Variants in CFAP90 observed in about 807,000 individuals in gnomAD.
CFAP90 encodes cilia and flagella associated protein 90.
the CFAP90 span, chr5:7,830,978 C>T: frequency 1.3e-5 from 2 of 152,244 alleles, no homozygotes; most frequent in Non-Finnish European, 2.9e-5. Flanking sequence ...GGGGCACACA[C>T]TGGGTACCTG....
the CFAP90 span, among the ~76,000 whole-genome samples, chr5:7,838,618 AC>A: frequency 6.6e-6 from 1 of 152,122 alleles, no homozygotes; most frequent in African/African-American, 2.4e-5. Context: ...CCCCCATGCC[AC>A]CCCACATACG....
the CFAP90 span, chr5:7,831,220 T>C: frequency 6.6e-6 from 1 of 152,290 alleles, no homozygotes; most frequent in African/African-American, 2.4e-5. Context: ...TGAGCATTGC[T>C]GGCCACCAGG....
chr5:7,841,413 G>T, the CFAP90 span, among the ~76,000 whole-genome samples: 1 of 152,186 alleles, frequency 6.6e-6, no homozygotes. Flanking sequence ...GGAAGACAGT[G>T]TGGCGACTCC....
chr5:7,833,178 C>T, the CFAP90 span, among the ~76,000 whole-genome samples: 2 of 152,254 alleles, frequency 1.3e-5, no homozygotes, highest in African/African-American at 4.8e-5. Context: ...TATAATAGTA[C>T]CTTAGCCTTA....
the CFAP90 span, among the ~76,000 whole-genome samples, chr5:7,846,909 C>A: frequency 6.6e-6 from 1 of 152,038 alleles, no homozygotes; most frequent in African/African-American, 2.4e-5. Flanking sequence ...CCACACCTGG[C>A]AATTTTTGTA....
At chr5:7,842,876 CAG>C in the CFAP90 span, among the ~76,000 whole-genome samples, 1 of 152,192 alleles carries the variant, frequency 6.6e-6, no homozygotes. Context: ...CAGTTAAATG[CAG>C]AGCTTAGAAG....
the CFAP90 span, among the ~76,000 whole-genome samples, chr5:7,846,075 A>C: frequency 6.6e-6 from 1 of 152,172 alleles, no homozygotes; most frequent in South Asian, 2.1e-4. Flanking sequence ...CTATACTTGC[A>C]TTGGGCTTAC....
chr5:7,830,438 G>A, the CFAP90 span: 1 of 152,244 alleles, frequency 6.6e-6, no homozygotes, highest in East Asian at 1.9e-4. Flanking sequence ...TTGAAATCAA[G>A]TCTGAATAAT....
the CFAP90 span, among the ~76,000 whole-genome samples, chr5:7,841,141 G>GA: frequency 3.7e-4 from 56 of 150,166 alleles, no homozygotes; most frequent in Middle Eastern, 3.5e-3. Flanking sequence ...AAATTTACAA[G>GA]AAAAAAAAAC....
the CFAP90 span, chr5:7,831,693 C>T: frequency 0.017 from 11,058 of 658,866 alleles, 227 homozygotes; most frequent in East Asian, 0.081. Flanking sequence ...GGGCTGCTAA[C>T]GTGTTCATGT....
At chr5:7,849,320 G>A in the CFAP90 span, among the ~76,000 whole-genome samples, 1 of 152,184 alleles carries the variant, frequency 6.6e-6, no homozygotes, top group Admixed American at 6.5e-5. Flanking sequence ...TAGGGTCTAG[G>A]ATGGTGGGGG....
chr5:7,850,845 C>G, the CFAP90 span: 7 of 1,272,376 alleles, frequency 5.5e-6, no homozygotes, highest in East Asian at 2.1e-4. Context: ...CCCAGCCTTC[C>G]GGTCTCCGCG....
the CFAP90 span, among the ~76,000 whole-genome samples, chr5:7,849,588 T>C: frequency 6.6e-6 from 1 of 152,098 alleles, no homozygotes; most frequent in African/African-American, 2.4e-5. Context: ...GGAACAATGG[T>C]GAGAAGAAAG....
the CFAP90 span, among the ~76,000 whole-genome samples, chr5:7,843,319 G>A: frequency 6.6e-6 from 1 of 152,156 alleles, no homozygotes; most frequent in South Asian, 2.1e-4. Flanking sequence ...AGGACACAAT[G>A]TTAGGTTTTT....
At chr5:7,847,295 G>T in the CFAP90 span, among the ~76,000 whole-genome samples, 11 of 152,180 alleles carry the variant, frequency 7.2e-5, no homozygotes, top group Non-Finnish European at 1.3e-4. Context: ...TTTCTTTTGC[G>T]TGGTACTAAA....
chr5:7,835,181 A>G, the CFAP90 span, among the ~76,000 whole-genome samples: 1 of 152,212 alleles, frequency 6.6e-6, no homozygotes, highest in South Asian at 2.1e-4. Flanking sequence ...AAATGCTGAC[A>G]CAGAGATAGG....
chr5:7,839,603 G>A, the CFAP90 span, among the ~76,000 whole-genome samples: 1 of 152,226 alleles, frequency 6.6e-6, no homozygotes, highest in Non-Finnish European at 1.5e-5. Flanking sequence ...CAGAGAAAAT[G>A]CCTATTTCTT....
At chr5:7,833,684 T>C in the CFAP90 span, among the ~76,000 whole-genome samples, 13 of 152,172 alleles carry the variant, frequency 8.5e-5, no homozygotes, top group Admixed American at 8.5e-4. Flanking sequence ...CATACACATA[T>C]ACACATACAG....
At chr5:7,851,007 C>A in the CFAP90 span, 1 of 1,267,492 alleles carries the variant, frequency 7.9e-7, no homozygotes, top group Non-Finnish European at 9.9e-7. Flanking sequence ...TGGTCTCCTC[C>A]TCGTCGTCCT....
Sources: allele counts gnomAD v4.1 joint callset (sites outside exome capture counted in the v4.1 genomes callset), GRCh38; gene constraint gnomAD v4.1.1; transcripts MANE v1.5; gene names NCBI Gene and HGNC (gene_info 2026-07-23, HGNC 2026-07-21).